GALNT13: variants seen among roughly 807,000 people sequenced by gnomAD.
The protein encoded by GALNT13 is polypeptide N-acetylgalactosaminyltransferase 13.
Under a neutral mutation model 64.2 loss-of-function variants are expected in GALNT13, and 28 were observed. That is an observed-to-expected ratio of 0.44 (90% CI 0.32 to 0.60). The LOEUF is 0.60. Among genes scored for constraint, GALNT13 ranks in the 20% least tolerant of loss-of-function variants. The pLI is 0.05. For missense variants in GALNT13, 577 were observed against 669.8 expected, an observed-to-expected ratio of 0.86 and a Z score of 1.53; for synonymous variants, 214 against 224.6, an observed-to-expected ratio of 0.95 and a Z score of 0.42.
At chr2:153,574,096 A>G in the GALNT13 span, among the ~76,000 whole-genome samples, 1 of 150,074 alleles carries the variant, frequency 6.7e-6, no homozygotes, top group Non-Finnish European at 1.5e-5. Context: ...TATGTGAAGG[A>G]TATCTTTGCT....
chr2:154,303,008 T>C (rs1693532063), intron 9 of GALNT13, among the ~76,000 whole-genome samples: 1 of 152,130 alleles, frequency 6.6e-6, no homozygotes, highest in South Asian at 2.1e-4. Context: ...CAAAGAAATA[T>C]ACTTTGGGTT....
the GALNT13 span, among the ~76,000 whole-genome samples, chr2:153,788,120 C>A: frequency 6.6e-6 from 1 of 152,056 alleles, no homozygotes; most frequent in Non-Finnish European, 1.5e-5. Context: ...AAAAATAGAT[C>A]ATCCTCAAGA....
At chr2:154,325,034 G>GCAGT (rs1694809734) in intron 9 of GALNT13, among the ~76,000 whole-genome samples, 2 of 152,092 alleles carry the variant, frequency 1.3e-5, no homozygotes, top group African/African-American at 4.8e-5. Flanking sequence ...AGCTCTGCAT[G>GCAGT]CAGTGGCACT....
chr2:153,963,731 C>CTCTGTG (rs1223478876), intron 3 of GALNT13, among the ~76,000 whole-genome samples: 74 of 100,852 alleles, frequency 7.3e-4, no homozygotes, highest in Admixed American at 1.2e-3. Flanking sequence ...CTCTCTCTCT[C>CTCTGTG]TGTGTGTGTG....
chr2:153,509,255 T>C, the GALNT13 span, among the ~76,000 whole-genome samples: 1 of 152,214 alleles, frequency 6.6e-6, no homozygotes, highest in African/African-American at 2.4e-5. Flanking sequence ...TCAGCAGCCA[T>C]GGCTGGGCAG....
chr2:153,197,333 A>T, the GALNT13 span, among the ~76,000 whole-genome samples: 1 of 152,274 alleles, frequency 6.6e-6, no homozygotes, highest in African/African-American at 2.4e-5. Context: ...CTAAATGGAG[A>T]AGGCCTGGTA....
At chr2:154,015,999 T>C (rs1414658362) in intron 3 of GALNT13, among the ~76,000 whole-genome samples, 1 of 152,214 alleles carries the variant, frequency 6.6e-6, no homozygotes, top group Admixed American at 6.5e-5. Flanking sequence ...GTTGAGCAGT[T>C]ACCAGCACAG....
At chr2:153,825,357 G>A in the GALNT13 span, among the ~76,000 whole-genome samples, 7 of 152,156 alleles carry the variant, frequency 4.6e-5, no homozygotes, top group African/African-American at 1.7e-4. Flanking sequence ...ACAGTGGTAG[G>A]AAGGAGATTA....
the GALNT13 span, among the ~76,000 whole-genome samples, chr2:153,101,674 C>G: frequency 2.0e-5 from 3 of 152,184 alleles, no homozygotes; most frequent in Non-Finnish European, 4.4e-5. Context: ...AATTGACCTA[C>G]CTGGCTATCC....
intron 12 of GALNT13, among the ~76,000 whole-genome samples, chr2:154,449,848 C>T (rs1701794276): frequency 6.6e-6 from 1 of 151,838 alleles, no homozygotes; most frequent in Non-Finnish European, 1.5e-5. Context: ...AAAATACAGA[C>T]CAAACTATTG....
At chr2:153,455,873 G>A in the GALNT13 span, among the ~76,000 whole-genome samples, 1 of 152,180 alleles carries the variant, frequency 6.6e-6, no homozygotes, top group Non-Finnish European at 1.5e-5. Flanking sequence ...TAGCACAAGT[G>A]AATTGAATGA....
At chr2:154,286,011 A>G (rs1692243538) in intron 8 of GALNT13, among the ~76,000 whole-genome samples, 1 of 152,222 alleles carries the variant, frequency 6.6e-6, no homozygotes, top group Non-Finnish European at 1.5e-5. Flanking sequence ...ATTAATGTGT[A>G]GAAATACAAG....
At chr2:153,441,766 A>G in the GALNT13 span, among the ~76,000 whole-genome samples, 6 of 152,158 alleles carry the variant, frequency 3.9e-5, no homozygotes, top group Admixed American at 3.9e-4. Flanking sequence ...ATTGGTATAT[A>G]GGAATGCTTG....
the GALNT13 span, among the ~76,000 whole-genome samples, chr2:153,577,523 C>A: frequency 2.0e-5 from 3 of 151,972 alleles, no homozygotes; most frequent in Admixed American, 6.6e-5. Context: ...ATGTTAGGCC[C>A]TTGAGAGCAT....
At chr2:153,730,571 C>T in the GALNT13 span, among the ~76,000 whole-genome samples, 1 of 151,834 alleles carries the variant, frequency 6.6e-6, no homozygotes, top group Non-Finnish European at 1.5e-5. Context: ...AATTAAAAAG[C>T]TTCTTCACAA....
At chr2:153,465,828 A>G in the GALNT13 span, among the ~76,000 whole-genome samples, 1 of 152,024 alleles carries the variant, frequency 6.6e-6, no homozygotes, top group Non-Finnish European at 1.5e-5. Flanking sequence ...GAAACAAAAG[A>G]TGATTTTTGC....
At chr2:153,272,617 A>G in the GALNT13 span, among the ~76,000 whole-genome samples, 3 of 152,270 alleles carry the variant, frequency 2.0e-5, no homozygotes, top group Admixed American at 6.5e-5. Flanking sequence ...GAAACAACAG[A>G]TGCTGGAGAG....
downstream of GALNT13, among the ~76,000 whole-genome samples, chr2:154,456,500 T>G (rs1702034265): frequency 6.6e-6 from 1 of 152,116 alleles, no homozygotes; most frequent in Non-Finnish European, 1.5e-5. Flanking sequence ...CACTATTTTA[T>G]GCTTAACCTC....
intron 3 of GALNT13, among the ~76,000 whole-genome samples, chr2:154,013,035 A>G (rs1696753124): frequency 6.7e-6 from 1 of 148,506 alleles, no homozygotes; most frequent in Non-Finnish European, 1.5e-5. Flanking sequence ...ATTCCTGTGT[A>G]TATTTTGTAT....
Sources: gnomAD v4.1 joint callset for allele counts (sites outside exome capture counted in the v4.1 genomes callset) on GRCh38, gnomAD v4.1.1 for gene constraint, MANE v1.5 for transcripts, NCBI Gene and HGNC (gene_info 2026-07-23, HGNC 2026-07-21) for gene names.